The following SSBP2 variants were observed in gnomAD, a reference collection of about 807,000 sequenced individuals.
SSBP2 encodes the protein single stranded DNA binding protein 2, also known as single-stranded DNA-binding protein 2.
SSBP2 carries 17 observed loss-of-function variants against 61.8 expected under a neutral mutation model. The observed-to-expected ratio is 0.28, with a 90% confidence interval of 0.19 to 0.41. SSBP2 has a LOEUF of 0.41. Among genes scored for constraint, SSBP2 ranks in the 10% least tolerant of loss-of-function variants. The pLI, the probability that SSBP2 is intolerant of heterozygous loss-of-function variation, is 1.00. For synonymous variants in SSBP2, 139 were observed against 141.3 expected (o/e 0.98, Z 0.12); for missense variants, 310 against 458.7 (o/e 0.68, Z 2.96).
At chr5:81,428,544 G>A (rs770889602) in intron 16 of SSBP2, 41 bp downstream of exon 16, 2 of 1,492,564 alleles carry the variant, frequency 1.3e-6, no homozygotes, top group East Asian at 2.3e-5. Flanking sequence ...AAGAGCTTCA[G>A]AAATAAAATT....
intron 1 of SSBP2, among the ~76,000 whole-genome samples, chr5:81,653,808 A>T (rs1319404153): frequency 6.6e-6 from 1 of 151,888 alleles, no homozygotes; most frequent in East Asian, 1.9e-4. Flanking sequence ...TTGTAAATTT[A>T]TTTAAGTTCT....
At chr5:81,483,576 G>C (rs895341457) in intron 6 of SSBP2, among the ~76,000 whole-genome samples, 1 of 152,080 alleles carries the variant, frequency 6.6e-6, no homozygotes, top group Non-Finnish European at 1.5e-5. Flanking sequence ...AACCCAGAAA[G>C]TCTAAGCGAC....
intron 1 of SSBP2, among the ~76,000 whole-genome samples, chr5:81,656,451 C>G (rs1356582224): frequency 1.3e-5 from 2 of 152,044 alleles, no homozygotes; most frequent in Non-Finnish European, 2.9e-5. Context: ...TAACATATAG[C>G]CTTATGTCAA....
Position 81,501,814 on chromosome 5 carries a change from T to C in SSBP2, c.372+11814A>G, listed in dbSNP as rs191656508. 3.5e-3 allele frequency among the ~76,000 whole-genome samples: 539 copies of C among 152,120 alleles called. 4 individuals are homozygous for C. The highest frequency in any genetic ancestry group is 0.013 in the South Asian group (61 of 4,818). ...ATCTGACCTCGTGATCCTCCCGCCT[T>C]GGCCTCCCAAAGTGCTAAGATTACA... On this transcript the variant is annotated intron_variant, in intron 5 of 16. Coordinates refer to ENST00000320672, the MANE Select transcript of SSBP2 (RefSeq NM_012446.5).
intron 6 of SSBP2, among the ~76,000 whole-genome samples, chr5:81,478,751 G>A (rs1477531449): frequency 1.3e-5 from 2 of 152,174 alleles, no homozygotes; most frequent in Non-Finnish European, 2.9e-5. Flanking sequence ...GATTATAGGT[G>A]TAAACCACCA....
intron 4 of SSBP2, among the ~76,000 whole-genome samples, chr5:81,518,373 T>A (rs931654399): frequency 6.6e-6 from 1 of 152,076 alleles, no homozygotes; most frequent in Non-Finnish European, 1.5e-5. Context: ...GCGGGCCCTT[T>A]AGGAGGTGAG....
intron 1 of SSBP2, among the ~76,000 whole-genome samples, chr5:81,699,542 G>A (rs970020103): frequency 1.3e-5 from 2 of 152,174 alleles, no homozygotes; most frequent in Non-Finnish European, 2.9e-5. Context: ...CATTTAAGTT[G>A]TATCATGAGA....
At chr5:81,711,234 A>C (rs1754756448) in intron 1 of SSBP2, among the ~76,000 whole-genome samples, 1 of 152,092 alleles carries the variant, frequency 6.6e-6, no homozygotes, top group South Asian at 2.1e-4. Flanking sequence ...CTTAGAACTA[A>C]AACAAAAGAA....
chr5:81,598,010 T>G (rs1430464207), intron 4 of SSBP2, among the ~76,000 whole-genome samples: 1 of 150,494 alleles, frequency 6.6e-6, no homozygotes, highest in Non-Finnish European at 1.5e-5. Flanking sequence ...AGTATAATAA[T>G]AAAATTAAAA....
At chr5:81,567,426 T>C (rs1048529740) in intron 4 of SSBP2, among the ~76,000 whole-genome samples, 1 of 152,156 alleles carries the variant, frequency 6.6e-6, no homozygotes, top group Non-Finnish European at 1.5e-5. Flanking sequence ...AGAATTGAGG[T>C]TTGGGAACCT....
intron 15 of SSBP2, among the ~76,000 whole-genome samples, chr5:81,436,923 C>T (rs977811918): frequency 1.1e-4 from 16 of 152,124 alleles, no homozygotes; most frequent in Admixed American, 9.2e-4. Flanking sequence ...TAATTTTCCT[C>T]TAATCACTTT....
intron 4 of SSBP2, among the ~76,000 whole-genome samples, chr5:81,614,449 T>C (rs1745804437): frequency 1.3e-5 from 2 of 151,720 alleles, no homozygotes; most frequent in South Asian, 2.1e-4. Flanking sequence ...CTCTTCCTCA[T>C]GCTATTTTGG....
intron 5 of SSBP2, among the ~76,000 whole-genome samples, chr5:81,498,946 A>AT (rs1368358967): frequency 1.3e-5 from 2 of 152,150 alleles, no homozygotes; most frequent in Non-Finnish European, 2.9e-5. Context: ...TGATGCATAA[A>AT]TTATACATCA....
intron 4 of SSBP2, among the ~76,000 whole-genome samples, chr5:81,540,625 G>A (rs1561518950): frequency 6.6e-6 from 1 of 152,074 alleles, no homozygotes; most frequent in Non-Finnish European, 1.5e-5. Flanking sequence ...GTTCTTTGTA[G>A]ATTCTGGAAC....
intron 1 of SSBP2, among the ~76,000 whole-genome samples, chr5:81,729,457 C>T (rs1253710103): frequency 6.6e-6 from 1 of 151,972 alleles, no homozygotes; most frequent in East Asian, 1.9e-4. Flanking sequence ...TCCTATGGGG[C>T]TGGGGGTTGT....
chr5:81,607,956 C>A (rs527369282), intron 4 of SSBP2, among the ~76,000 whole-genome samples: 1 of 152,252 alleles, frequency 6.6e-6, no homozygotes, highest in Non-Finnish European at 1.5e-5. Flanking sequence ...CCAAGTCAGT[C>A]TACCTAGTGT....
intron 4 of SSBP2, among the ~76,000 whole-genome samples, chr5:81,534,520 A>C (rs996902444): frequency 5.3e-5 from 8 of 152,178 alleles, no homozygotes; most frequent in African/African-American, 1.9e-4. Flanking sequence ...GAAAATTCTA[A>C]GAATAAAAAA....
At chr5:81,747,204 T>G (rs1432037631) in intron 1 of SSBP2, among the ~76,000 whole-genome samples, 1 of 152,202 alleles carries the variant, frequency 6.6e-6, no homozygotes, top group African/African-American at 2.4e-5. Context: ...TATGTAATGC[T>G]GTTCCCTAAA....
At chr5:81,525,340 C>T (rs1769836142) in intron 4 of SSBP2, among the ~76,000 whole-genome samples, 2 of 151,972 alleles carry the variant, frequency 1.3e-5, no homozygotes, top group African/African-American at 2.4e-5. Context: ...TCCCACCCTC[C>T]ATCCTCAAGG....
Sources: allele counts gnomAD v4.1 joint callset (sites outside exome capture counted in the v4.1 genomes callset), GRCh38; gene constraint gnomAD v4.1.1; transcripts MANE v1.5; gene names NCBI Gene and HGNC (gene_info 2026-07-23, HGNC 2026-07-21).